The following TBC1D5 variants were observed in gnomAD, a reference collection of about 807,000 sequenced individuals.
The protein encoded by TBC1D5 is TBC1 domain family member 5, also known as TBC1 domain family, member 5.
In TBC1D5, 75 loss-of-function variants were observed where a neutral mutation model predicts 100.3. That is an observed-to-expected ratio of 0.75 (90% CI 0.62 to 0.91). TBC1D5 has a LOEUF of 0.91. Among genes scored for constraint, TBC1D5 ranks in the 40% least tolerant of loss-of-function variants. The pLI is 0.00. For missense variants in TBC1D5, 910 were observed against 942.4 expected (o/e 0.97, Z 0.45); for synonymous variants, 323 against 325.6 (o/e 0.99, Z 0.09).
chr3:17,670,275 G>C (rs1266333756), intron 1 of TBC1D5, among the ~76,000 whole-genome samples: 1 of 152,176 alleles, frequency 6.6e-6, no homozygotes, highest in Non-Finnish European at 1.5e-5. Context: ...TAATGTTCTG[G>C]GCTCGAACAC....
At chr3:17,483,430 A>T (rs951698513) in intron 3 of TBC1D5, among the ~76,000 whole-genome samples, 1 of 152,230 alleles carries the variant, frequency 6.6e-6, no homozygotes, top group Admixed American at 6.5e-5. Flanking sequence ...CAAATGGCTC[A>T]AATCAATTAC....
At chr3:17,182,677 A>AT (rs1377680221) in intron 19 of TBC1D5, among the ~76,000 whole-genome samples, 2 of 152,206 alleles carry the variant, frequency 1.3e-5, no homozygotes, top group Admixed American at 6.5e-5. Context: ...AAAACTATAC[A>AT]TTCATTTTAA....
chr3:17,314,094 T>C (rs2084375557), intron 13 of TBC1D5, among the ~76,000 whole-genome samples: 2 of 152,194 alleles, frequency 1.3e-5, no homozygotes. Flanking sequence ...CCTATTAGTG[T>C]TACTGCTCCC....
chr3:17,615,677 G>GA (rs1232413925), intron 2 of TBC1D5, among the ~76,000 whole-genome samples: 1 of 152,176 alleles, frequency 6.6e-6, no homozygotes, highest in East Asian at 1.9e-4. Context: ...TTTGCGTAGA[G>GA]ATATTTATAG....
intron 2 of TBC1D5, among the ~76,000 whole-genome samples, chr3:17,528,087 T>C (rs968191780): frequency 1.3e-4 from 20 of 151,964 alleles, no homozygotes; most frequent in Non-Finnish European, 2.5e-4. Context: ...TGAGACAAGG[T>C]CTCACCCTGT....
At chr3:17,480,187 C>T (rs979420798) in intron 3 of TBC1D5, among the ~76,000 whole-genome samples, 1 of 152,204 alleles carries the variant, frequency 6.6e-6, no homozygotes, top group African/African-American at 2.4e-5. Context: ...CACCAGCGAG[C>T]GCAGGAGAGA....
chr3:17,518,937 C>G (rs1426512666), intron 2 of TBC1D5: 1 of 152,288 alleles, frequency 6.6e-6, no homozygotes, highest in East Asian at 1.9e-4. Flanking sequence ...GGAAGGCAGA[C>G]AGCCCATTCC....
intron 2 of TBC1D5, among the ~76,000 whole-genome samples, chr3:17,599,380 G>T (rs2060784694): frequency 6.6e-6 from 1 of 152,148 alleles, no homozygotes; most frequent in African/African-American, 2.4e-5. Context: ...CCTGAAGGTC[G>T]AGAGGAGTTC....
At chr3:17,346,044 A>G (rs1368966732) in intron 13 of TBC1D5, among the ~76,000 whole-genome samples, 7 of 152,164 alleles carry the variant, frequency 4.6e-5, no homozygotes, top group Non-Finnish European at 1.0e-4. Context: ...CATTGTGCAC[A>G]TGTACCCTAA....
At chr3:17,580,409 G>A (rs2096686205) in intron 2 of TBC1D5, among the ~76,000 whole-genome samples, 1 of 152,112 alleles carries the variant, frequency 6.6e-6, no homozygotes, top group Non-Finnish European at 1.5e-5. Flanking sequence ...AAGTAATCAT[G>A]ATGCTTCTTG....
At chr3:17,410,139 T>TA (rs931893298) in intron 4 of TBC1D5, among the ~76,000 whole-genome samples, 10 of 152,130 alleles carry the variant, frequency 6.6e-5, no homozygotes, top group African/African-American at 2.4e-4. Context: ...AGCCAATCTT[T>TA]AACCATTCTG....
intron 13 of TBC1D5, among the ~76,000 whole-genome samples, chr3:17,325,996 C>G (rs542577302): frequency 3.3e-5 from 5 of 152,080 alleles, no homozygotes; most frequent in South Asian, 2.1e-4. Flanking sequence ...GTATTAAAGT[C>G]AAGTGAGAGG....
intron 13 of TBC1D5, among the ~76,000 whole-genome samples, chr3:17,347,425 T>C (rs1035970075): frequency 2.0e-5 from 3 of 152,210 alleles, no homozygotes; most frequent in Non-Finnish European, 4.4e-5. Flanking sequence ...TTTAAAACTG[T>C]TCTTGTTTCC....
intron 18 of TBC1D5, 46 bp from the exon 20 acceptor site, chr3:17,185,254 A>G (rs1268897381): frequency 2.0e-6 from 3 of 1,532,258 alleles, no homozygotes; most frequent in Middle Eastern, 1.7e-4. Flanking sequence ...GAGATTGTCA[A>G]ATAAAATCTC....
intron 14 of TBC1D5, among the ~76,000 whole-genome samples, chr3:17,293,614 T>G (rs2150193344): frequency 6.6e-6 from 1 of 152,354 alleles, no homozygotes; most frequent in Admixed American, 6.5e-5. Flanking sequence ...GGAAAACAAC[T>G]TTTTGATTGA....
In TBC1D5 at chr3:17,420,529, T is replaced by C. The variant is rs558314421; in HGVS notation, c.167+7921A>G. 9.9e-5 allele frequency among the ~76,000 whole-genome samples: 15 copies of C among 152,278 alleles called. No individual in the cohort carries two copies. The South Asian group carries it at 2.3e-3, about 23-fold the overall frequency. The stretch of plus-strand genomic sequence containing the variant: ...AATGTGTAAATAAATAAGCAAGATA[T>C]TGGTGAATTTTTTTAAAAAAATTAA... On this transcript the variant is annotated intron_variant, in intron 4 of 21. Coordinates refer to ENST00000253692, the Ensembl canonical transcript of TBC1D5.
intron 1 of TBC1D5, among the ~76,000 whole-genome samples, chr3:17,655,547 G>A (rs1172906284): frequency 2.0e-5 from 3 of 151,612 alleles, no homozygotes; most frequent in African/African-American, 7.3e-5. Flanking sequence ...TATTCACATC[G>A]TGGCATCCAA....
chr3:17,164,730 G>T (rs1032955292), intron 21 of TBC1D5, among the ~76,000 whole-genome samples: 1 of 152,204 alleles, frequency 6.6e-6, no homozygotes, highest in African/African-American at 2.4e-5. Context: ...TCTCATGCCT[G>T]GTAGACCCCC....
At chr3:17,545,724 A>G (rs1361862596) in intron 2 of TBC1D5, among the ~76,000 whole-genome samples, 1 of 152,212 alleles carries the variant, frequency 6.6e-6, no homozygotes, top group African/African-American at 2.4e-5. Flanking sequence ...TAAGAGACAC[A>G]AACACTGAAT....
Sources: allele counts gnomAD v4.1 joint callset (sites outside exome capture counted in the v4.1 genomes callset), GRCh38; gene constraint gnomAD v4.1.1; transcripts MANE v1.5; gene names NCBI Gene and HGNC (gene_info 2026-07-23, HGNC 2026-07-21).